KIAA1210: variants seen among roughly 807,000 people sequenced by gnomAD.
KIAA1210 encodes acrosomal protein KIAA1210.
KIAA1210 carries 48 observed loss-of-function variants against 78.9 expected under a neutral mutation model. The observed-to-expected ratio is 0.61, with a 90% confidence interval of 0.48 to 0.77. KIAA1210 has a LOEUF of 0.77. Ranked by LOEUF, KIAA1210 falls within the 30% of genes least tolerant of loss-of-function variation. KIAA1210 has a pLI of 0.00. For missense variants in KIAA1210, 1,108 were observed against 1,100.0 expected (o/e 1.01, Z -0.10); for synonymous variants, 406 against 404.5 (o/e 1.00, Z -0.04).
At chrX:119,117,837 T>A (rs1318911211) in intron 2 of KIAA1210, among the ~76,000 whole-genome samples, 1 of 111,065 alleles carries the variant, frequency 9.0e-6, no homozygotes. Context: ...AAACGCGAAC[T>A]CTTGGGCTCA....
At chrX:119,129,071 G>A (rs1928723397), upstream of KIAA1210, among the ~76,000 whole-genome samples, 1 of 111,935 alleles carries the variant, frequency 8.9e-6, no homozygotes, top group African/African-American at 3.3e-5. Flanking sequence ...CAACTAGAAT[G>A]TAAATTCCAT....
At position 119,109,106 on chromosome X, in the gene KIAA1210, A is replaced by G. The variant is rs779613702; in HGVS notation, c.327T>C (p.Ser109=). 3 of 1,207,574 alleles carry G rather than the reference A, an allele frequency of 2.5e-6. No individual in the cohort carries two copies. ...PERSASKMFP[S]MDPQRGRPQQ... is the part of the protein sequence containing the mutation. ...GAGGTCTGCCTCTCTGGGGATCCAT[A>G]GAAGGAAACATTTTACTTGCTGATC... The change falls in exon 4 of 12, where the codon TCT becomes TCC. Residue 109 remains serine (S), a synonymous_variant. Transcript: ENST00000691062.
At chrX:119,129,645 G>C (rs1171651178), upstream of KIAA1210, among the ~76,000 whole-genome samples, 1 of 110,100 alleles carries the variant, frequency 9.1e-6, no homozygotes, top group Non-Finnish European at 1.9e-5. Flanking sequence ...CCCAGCCCTG[G>C]GTTATTCACC....
At chrX:119,117,778 C>T (rs1387026295) in intron 2 of KIAA1210, among the ~76,000 whole-genome samples, 1 of 109,964 alleles carries the variant, frequency 9.1e-6, no homozygotes, top group East Asian at 2.9e-4. Flanking sequence ...AGAGACGACG[C>T]TCTAGAAACT....
At chrX:119,100,905 C>T (rs2147179133) in intron 6 of KIAA1210, among the ~76,000 whole-genome samples, 1 of 112,388 alleles carries the variant, frequency 8.9e-6, no homozygotes, top group South Asian at 3.7e-4. Context: ...GCACAGATAT[C>T]TTCAGATTAA....
intron 2 of KIAA1210, among the ~76,000 whole-genome samples, chrX:119,139,774 A>G (rs1363241196): frequency 8.9e-6 from 1 of 112,105 alleles, no homozygotes; most frequent in East Asian, 2.8e-4. Context: ...GTGAAGAAAA[A>G]GCAATTTGAA....
intron 6 of KIAA1210, among the ~76,000 whole-genome samples, chrX:119,102,769 C>T (rs1300038398): frequency 8.9e-6 from 1 of 111,893 alleles, no homozygotes; most frequent in Non-Finnish European, 1.9e-5. Flanking sequence ...GGAATTTAAT[C>T]AGCCCAAACT....
intron 6 of KIAA1210, among the ~76,000 whole-genome samples, chrX:119,101,358 T>A (rs904074146): frequency 9.0e-6 from 1 of 111,372 alleles, no homozygotes; most frequent in African/African-American, 3.3e-5. Context: ...TAGGCCCAGA[T>A]TTCATCAAGC....
chrX:119,125,571 G>A (rs753006268), intron 1 of KIAA1210, among the ~76,000 whole-genome samples: 6 of 101,243 alleles, frequency 5.9e-5, no homozygotes, highest in Non-Finnish European at 1.2e-4. Context: ...TAGAGACAGC[G>A]CCTTGCTCTG....
At position 119,086,795 on chromosome X, in the gene KIAA1210, G is replaced by C. The variant is rs766103350; in HGVS notation, c.3907C>G (p.Arg1303Gly). ...QDDVEKLFGV[R>G]LKRAPPSQKY... ...TGCGAGGGAGGGGCTCTTTTCAGTCGAACTCCAAAAAGCTTTTCAACATCA... is the reference window on the plus strand; with the variant it reads ...TGCGAGGGAGGGGCTCTTTTCAGTCCAACTCCAAAAAGCTTTTCAACATCA... Residue 1303 changes from arginine (R) to glycine (G), a missense_variant, in exon 9 of 12, where the codon CGA becomes GGA. Arg to Gly is a moderately radical substitution (Grantham distance 125). Around this residue, in one of 5 missense-constraint regions of KIAA1210, gnomAD observed 245 missense variants for 278.8 expected, o/e 0.88. Coordinates refer to ENST00000691062, the MANE Select transcript of KIAA1210 (RefSeq NM_001394962.1). 1.7e-6 allele frequency: 2 copies of C among 1,210,704 alleles called. No individual in the cohort carries two copies. The highest frequency in any genetic ancestry group is 4.4e-5 in the Admixed American group (2 of 45,920).
intron 2 of KIAA1210, among the ~76,000 whole-genome samples, chrX:119,140,442 T>G (rs1046179394): frequency 4.7e-5 from 5 of 106,515 alleles, no homozygotes; most frequent in Admixed American, 1.0e-4. Context: ...GGCAGGAGAA[T>G]TGCTTGAACC....
intron 3 of KIAA1210, among the ~76,000 whole-genome samples, chrX:119,116,144 T>G (rs1317196089): frequency 8.9e-6 from 1 of 111,999 alleles, no homozygotes; most frequent in African/African-American, 3.2e-5. Context: ...AAACAGGCCT[T>G]CAGCTCCTCA....
At chrX:119,150,762 G>A (rs969253443), upstream of KIAA1210, among the ~76,000 whole-genome samples, 1 of 112,368 alleles carries the variant, frequency 8.9e-6, no homozygotes, top group African/African-American at 3.2e-5. Context: ...TTGCAAGTTC[G>A]AGCCCAGAGG....
At chrX:119,109,455 TG>T (rs1303840782) in intron 3 of KIAA1210, among the ~76,000 whole-genome samples, 1 of 111,474 alleles carries the variant, frequency 9.0e-6, no homozygotes, top group Non-Finnish European at 1.9e-5. Context: ...TTGTTAGAGG[TG>T]GTTCCCTCTG....
rs1397183264 is a variant in KIAA1210, at chrX:119,094,163, C to T, written c.847-388G>A. ...GGCCATATTGGGATTCTCCGATTTGCTTCACCAGACCTGTGAGTCAAATTC... is the reference window on the plus strand; with the variant it reads ...GGCCATATTGGGATTCTCCGATTTGTTTCACCAGACCTGTGAGTCAAATTC... On this transcript the variant is annotated intron_variant, in intron 7 of 11. Coordinates refer to ENST00000691062, the MANE Select transcript of KIAA1210 (RefSeq NM_001394962.1). 4 of 668,535 alleles carry T rather than the reference C, an allele frequency of 6.0e-6. No individual in the cohort carries two copies. In the African/African-American group the frequency reaches 8.6e-5, roughly 14 times the overall value. 55.1% of individuals were successfully genotyped at this position (668,535 alleles called of 1,213,427 possible).
intron 2 of KIAA1210, among the ~76,000 whole-genome samples, chrX:119,138,207 GGTT>G (rs1346234762): frequency 1.1e-5 from 1 of 89,557 alleles, no homozygotes; most frequent in African/African-American, 4.3e-5. Context: ...GGTTTGGTTT[GGTT>G]GTTTTTTTTT....
intron 2 of KIAA1210, among the ~76,000 whole-genome samples, chrX:119,136,115 T>C (rs1373890734): frequency 1.8e-5 from 2 of 111,671 alleles, no homozygotes; most frequent in Non-Finnish European, 3.8e-5. Context: ...GAATTTTACA[T>C]AGCTCATTGG....
At chrX:119,091,651 T>A (rs1174161146) in intron 8 of KIAA1210, among the ~76,000 whole-genome samples, 1 of 111,784 alleles carries the variant, frequency 8.9e-6, no homozygotes, top group Admixed American at 9.5e-5. Context: ...CCTAGCTCCA[T>A]CTAGGGGTTT....
intron 3 of KIAA1210, among the ~76,000 whole-genome samples, chrX:119,112,574 C>T (rs755294249): frequency 1.8e-5 from 2 of 112,269 alleles, no homozygotes; most frequent in East Asian, 5.6e-4. Flanking sequence ...AAAAGATGCT[C>T]AACATCACCA....
Sources: gnomAD v4.1 joint callset for allele counts (sites outside exome capture counted in the v4.1 genomes callset) on GRCh38, gnomAD v4.1.1 for gene constraint, gnomAD v4.1.1 regional missense constraint, MANE v1.5 for transcripts, NCBI Gene and HGNC (gene_info 2026-07-23, HGNC 2026-07-21) for gene names.